Variants in HDGFL1 observed in about 807,000 individuals in gnomAD.
HDGFL1 encodes HDGF like 1.
For missense variants in HDGFL1, 422 were observed against 365.3 expected (o/e 1.16, Z -1.27); for synonymous variants, 190 against 165.1 (o/e 1.15, Z -1.16).
Position 22,570,162 on chromosome 6 carries a change from C to T in HDGFL1, c.587C>T (p.Pro196Leu), listed in dbSNP as rs991281310. 1 of 1,558,142 alleles carries T rather than the reference C, an allele frequency of 6.4e-7. No homozygotes were observed. The highest frequency in any genetic ancestry group is 1.2e-5 in the South Asian group (1 of 84,286). Residue 196 changes from proline to leucine, a missense_variant, in exon 1 of 1, where the codon CCG becomes CTG. Physicochemically the swap from Pro to Leu is moderately conservative, Grantham distance 98. Transcript: ENST00000510882. The part of the protein sequence containing the change: ...AAATAVDEES[P>L]FLVAVENGSA... Reference sequence around the variant, plus strand: ...GCGACGGCCGTCGACGAGGAGAGTCCGTTCCTCGTGGCGGTGGAGAACGGC... The same window carrying T: ...GCGACGGCCGTCGACGAGGAGAGTCTGTTCCTCGTGGCGGTGGAGAACGGC...
rs1478212396 is a variant in HDGFL1 at position 22,570,640 on chromosome 6, C to A, written c.*309C>A. On this transcript the variant is annotated 3_prime_UTR_variant, in exon 1 of 1. Transcript: ENST00000510882. ...CCCGCCACCCCACCCCACCCCACCC[C>A]CGCCCACTCGTTGCCTGATTCCGTT... The A allele has an allele frequency of 3.4e-5, 12 of 351,060 alleles. No homozygotes were observed. Among genetic ancestry groups the A allele is most frequent in the Non-Finnish European group, 6.3e-5 (12 of 189,700 alleles). 21.7% of individuals were successfully genotyped at this position (351,060 alleles called of 1,614,324 possible).
In HDGFL1 at chr6:22,570,460, G is replaced by T; in HGVS notation, c.*129G>T. ...CTCAGCCCGTCCTCCTCCAACCCGCGCTCCTTTGCCCTGCCGGGCCCCAGG... is the reference window on the plus strand; with the variant it reads ...CTCAGCCCGTCCTCCTCCAACCCGCTCTCCTTTGCCCTGCCGGGCCCCAGG... On this transcript the variant is annotated 3_prime_UTR_variant, in exon 1 of 1. Coordinates refer to ENST00000510882, the MANE Select transcript of HDGFL1 (RefSeq NM_138574.4). 2.9e-6 allele frequency: 3 copies of T among 1,025,662 alleles called. No homozygotes were observed. Among genetic ancestry groups the T allele is most frequent in the Non-Finnish European group, 4.0e-6 (3 of 753,770 alleles). 63.5% of individuals were successfully genotyped at this position (1,025,662 alleles called of 1,614,324 possible). A position where few individuals can be genotyped will look rare whatever the true frequency, so the allele number is the denominator to read the frequency against.
At position 22,570,361 on chromosome 6, in the gene HDGFL1, C is replaced by G. The variant is rs762507319; in HGVS notation, c.*30C>G. ...CAGCGTTTCCAGAAGAGCCCCTGCC[C>G]CGTTCCTGCTGCGGCCTGGCCGTTC... On this transcript the variant is annotated 3_prime_UTR_variant, in exon 1 of 1. Transcript: ENST00000510882. 6 of 1,430,044 alleles carry G rather than the reference C, an allele frequency of 4.2e-6. No homozygotes were observed. Among genetic ancestry groups the G allele is most frequent in the Non-Finnish European group, 5.5e-6 (6 of 1,091,950 alleles). 88.6% of individuals were successfully genotyped at this position (1,430,044 alleles called of 1,614,324 possible). A position where few individuals can be genotyped will look rare whatever the true frequency, so the allele number is the denominator to read the frequency against.
Position 22,570,012 on chromosome 6 carries a change from AGAG to A in HDGFL1, c.441_443del (p.Arg147del), listed in dbSNP as rs751404526. Reference sequence around the variant, plus strand: ...ACTGAGGAGGAGAAGGGGCCGCTGAAGAGGAGCGCGGGGGACCCGCCGGAGGAC... The same window carrying A: ...ACTGAGGAGGAGAAGGGGCCGCTGAAGAGCGCGGGGGACCCGCCGGAGGAC... On this transcript the variant is annotated inframe_deletion, in exon 1 of 1. Coordinates refer to ENST00000510882, the MANE Select transcript of HDGFL1 (RefSeq NM_138574.4). The A allele has an allele frequency of 2.6e-6, 4 of 1,548,254 alleles. No individual in the cohort carries two copies. The highest frequency in any genetic ancestry group is 2.7e-5 in the African/African-American group (2 of 73,130).
At position 22,570,347 on chromosome 6, in the gene HDGFL1, G is replaced by C. The variant is rs1466851793; in HGVS notation, c.*16G>C. 1.4e-6 allele frequency: 2 copies of C among 1,446,382 alleles called. No homozygotes were observed. The highest frequency in any genetic ancestry group is 1.8e-4 in the Middle Eastern group (1 of 5,440). The allele number at this position is 1,446,382 out of a possible 1,614,324, so 89.6% of individuals were successfully genotyped here. Reference sequence around the variant, plus strand: ...CAGCCTGTAGTTACCAGCGTTTCCAGAAGAGCCCCTGCCCCGTTCCTGCTG... The same window carrying C: ...CAGCCTGTAGTTACCAGCGTTTCCACAAGAGCCCCTGCCCCGTTCCTGCTG... On this transcript the variant is annotated 3_prime_UTR_variant, in exon 1 of 1. Transcript: ENST00000510882.
Position 22,570,394 on chromosome 6 carries a change from A to G in HDGFL1, c.*63A>G. The G allele has an allele frequency of 2.1e-6, 3 of 1,399,114 alleles. No homozygotes were observed. Among genetic ancestry groups the G allele is most frequent in the Non-Finnish European group, 2.8e-6 (3 of 1,070,060 alleles). 86.7% of individuals were successfully genotyped at this position (1,399,114 alleles called of 1,614,324 possible). On this transcript the variant is annotated 3_prime_UTR_variant, in exon 1 of 1. Transcript: ENST00000510882. Reference sequence around the variant, plus strand: ...GCTGCGGCCTGGCCGTTCTTGGGGAATCTGACCACGGCGTGCAAACTGGGA... The same window carrying G: ...GCTGCGGCCTGGCCGTTCTTGGGGAGTCTGACCACGGCGTGCAAACTGGGA...
Position 22,569,885 on chromosome 6 carries a change from G to C in HDGFL1, c.310G>C (p.Gly104Arg), listed in dbSNP as rs767503335. Reference sequence around the variant, plus strand: ...AGCCTCAGAGAAGGGCAGCGGAGACGGGCCTTGGCCGGAGCCCGAGGCCGC... The same window carrying C: ...AGCCTCAGAGAAGGGCAGCGGAGACCGGCCTTGGCCGGAGCCCGAGGCCGC... ...PLASEKGSGD[G>R]PWPEPEAAEG... is the part of the protein sequence containing the mutation. Residue 104 changes from glycine to arginine, a missense_variant, in exon 1 of 1, where the codon GGG (glycine) becomes CGG (arginine). By Grantham distance (125) the Gly-to-Arg change is moderately radical. Transcript: ENST00000510882. 3.2e-6 allele frequency: 5 copies of C among 1,575,574 alleles called. No homozygotes were observed. The South Asian group carries it at 5.8e-5, about 18-fold the overall frequency.
In HDGFL1 at chr6:22,569,806, G is replaced by A. The variant is rs1467805163; in HGVS notation, c.231G>A (p.Ala77=). 4 of 1,613,666 alleles carry A rather than the reference G, an allele frequency of 2.5e-6. No individual in the cohort carries two copies. The highest frequency in any genetic ancestry group is 3.4e-6 in the Non-Finnish European group (4 of 1,179,824). ...CCAACAAGAGGCGCGGCTTCAGCGC[G>A]GGGCTGTGGGAAATCGAGAACAACC... The part of the protein sequence containing the change: ...GKPNKRRGFS[A]GLWEIENNPT... Residue 77 remains alanine (A), a synonymous_variant, in exon 1 of 1, where the codon GCG becomes GCA. Transcript: ENST00000510882.
Position 22,571,383 on chromosome 6 carries a change from C to G in HDGFL1, c.*1052C>G, listed in dbSNP as rs1393303980. ...TGTTTGAAGTTTTATGACTTGTAGT[C>G]AGGCTTTGCTGTTCGTCACAGTGTC... is the stretch of plus-strand genomic sequence containing the variant. On this transcript the variant is annotated 3_prime_UTR_variant, in exon 1 of 1. Transcript: ENST00000510882. 6.0e-6 allele frequency: 1 copy of G among 167,142 alleles called. No individual in the cohort carries two copies. Among genetic ancestry groups the G allele is most frequent in the African/African-American group, 2.4e-5 (1 of 41,454 alleles). 10.4% of individuals were successfully genotyped at this position (167,142 alleles called of 1,614,324 possible).
chr6:22,569,948 G>A lies in HDGFL1; in HGVS notation c.373G>A (p.Gly125Ser), dbSNP rs1418842966. ...DEDKPTHAGG[G>S]GDELGKPDDD... ...GGACAAGCCGACCCACGCTGGTGGC[G>A]GCGGCGACGAATTGGGGAAGCCGGA... Residue 125 changes from glycine (G) to serine (S), a missense_variant, in exon 1 of 1, where the codon GGC becomes AGC. Coordinates refer to ENST00000510882, the MANE Select transcript of HDGFL1 (RefSeq NM_138574.4). 5 of 1,551,564 alleles carry A rather than the reference G, an allele frequency of 3.2e-6. No individual in the cohort carries two copies. The African/African-American group carries it at 4.1e-5, about 13-fold the overall frequency.
Position 22,571,201 on chromosome 6 carries a change from C to T in HDGFL1, c.*870C>T, listed in dbSNP as rs1468191965. Reference sequence around the variant, plus strand: ...CCACCCTACCGTCATATATATCACTCAGGCGTAGAAGAAAAGACACATATT... The same window carrying T: ...CCACCCTACCGTCATATATATCACTTAGGCGTAGAAGAAAAGACACATATT... On this transcript the variant is annotated 3_prime_UTR_variant, in exon 1 of 1. Transcript: ENST00000510882. 1 of 167,016 alleles carries T rather than the reference C, an allele frequency of 6.0e-6. No individual in the cohort carries two copies. Among genetic ancestry groups the T allele is most frequent in the African/African-American group, 2.4e-5 (1 of 41,388 alleles). The allele number at this position is 167,016 out of a possible 1,614,324, so 10.3% of individuals were successfully genotyped here.
rs1165143012 is a variant in HDGFL1, at chr6:22,569,592, T to G, written c.17T>G (p.Met6Arg). The change falls in exon 1 of 1, where the codon ATG becomes AGG. Residue 6 changes from methionine to arginine, a missense_variant. Physicochemically the swap from Met to Arg is moderately conservative, Grantham distance 91. Transcript: ENST00000510882. MSAYG[M>R]PMYKSGDLVF... is the part of the protein sequence containing the mutation. ...GAACCAGCTATGTCGGCCTACGGCA[T>G]GCCCATGTACAAGAGCGGGGACCTG... 1 of 1,613,834 alleles carries G rather than the reference T, an allele frequency of 6.2e-7. No homozygotes were observed. Among genetic ancestry groups the G allele is most frequent in the Non-Finnish European group, 8.5e-7 (1 of 1,179,810 alleles).
rs997659434 is a variant in HDGFL1 at position 22,569,898 on chromosome 6, A to C, written c.323A>C (p.Glu108Ala). 1 of 1,562,048 alleles carries C rather than the reference A, an allele frequency of 6.4e-7. No homozygotes were observed. Among genetic ancestry groups the C allele is most frequent in the South Asian group, 1.2e-5 (1 of 85,560 alleles). ...EKGSGDGPWP[E>A]PEAAEGDEDK... ...GGCAGCGGAGACGGGCCTTGGCCGG[A>C]GCCCGAGGCCGCAGAGGGCGACGAG... is the stretch of plus-strand genomic sequence containing the variant. The change falls in exon 1 of 1, where the codon GAG (glutamate) becomes GCG (alanine). Residue 108 changes from glutamate to alanine, a missense_variant. Glu to Ala is a moderately radical substitution (Grantham distance 107). Transcript: ENST00000510882.
Position 22,570,078 on chromosome 6 carries a change from A to C in HDGFL1, c.503A>C (p.Glu168Ala). Reference sequence around the variant, plus strand: ...CCCAAGGAGGCAGCCCCCGACCAAGAGGAGGAGGCGGAGGCGGAGAGGGCG... The same window carrying C: ...CCCAAGGAGGCAGCCCCCGACCAAGCGGAGGAGGCGGAGGCGGAGAGGGCG... Reference protein sequence around the residue: ...KRPKEAAPDQEEEAEAERAAE... With the variant: ...KRPKEAAPDQAEEAEAERAAE... The change falls in exon 1 of 1, where the codon GAG (glutamate) becomes GCG (alanine). Residue 168 changes from glutamate (E) to alanine (A), a missense_variant. Transcript: ENST00000510882. The C allele has an allele frequency of 6.5e-7, 1 of 1,542,606 alleles. No homozygotes were observed. The highest frequency in any genetic ancestry group is 2.3e-4 in the Middle Eastern group (1 of 4,378).
Position 22,570,301 on chromosome 6 carries a change from A to C in HDGFL1, c.726A>C (p.Ala242=), listed in dbSNP as rs1406285627. 3 of 1,498,848 alleles carry C rather than the reference A, an allele frequency of 2.0e-6. No individual in the cohort carries two copies. The South Asian group carries it at 4.0e-5, about 20-fold the overall frequency. The allele number at this position is 1,498,848 out of a possible 1,614,324, so 92.8% of individuals were successfully genotyped here. Residue 242 remains alanine (A), a synonymous_variant, in exon 1 of 1, where the codon GCA becomes GCC. Coordinates refer to ENST00000510882, the MANE Select transcript of HDGFL1 (RefSeq NM_138574.4). ...CCTCCCAGGAGTGGCATGCCGAGGCACCGGGCGGCGGAGATCGCGACAGCC... is the reference window on the plus strand; with the variant it reads ...CCTCCCAGGAGTGGCATGCCGAGGCCCCGGGCGGCGGAGATCGCGACAGCC... The part of the protein sequence containing the change: ...EEASQEWHAE[A]PGGGDRDSL
In HDGFL1 at chr6:22,570,124, G is replaced by GGAA. The variant is rs1458932907; in HGVS notation, c.550_551insAAG (p.Ala183_Ala184insGlu). 5 of 1,532,606 alleles carry GGAA rather than the reference G, an allele frequency of 3.3e-6. No individual in the cohort carries two copies. The African/African-American group carries it at 5.5e-5, about 17-fold the overall frequency. 94.9% of individuals were successfully genotyped at this position (1,532,606 alleles called of 1,614,324 possible). On this transcript the variant is annotated inframe_insertion, in exon 1 of 1. Coordinates refer to ENST00000510882, the MANE Select transcript of HDGFL1 (RefSeq NM_138574.4). ...GGGCGGCGGAAGCGGAGAGGGCGGC[G>GGAA]GCGGCGGCGGCGGCGACGGCCGTCG...
rs753319267 is a variant in HDGFL1, at chr6:22,570,169, C to T, written c.594C>T (p.Leu198=). The change falls in exon 1 of 1, where the codon CTC becomes CTT. Residue 198 remains leucine, a synonymous_variant. Transcript: ENST00000510882. ...ATAVDEESPF[L]VAVENGSAPS... is the part of the protein sequence containing the mutation. ...CCGTCGACGAGGAGAGTCCGTTCCT[C>T]GTGGCGGTGGAGAACGGCAGCGCCC... is the stretch of plus-strand genomic sequence containing the variant. 1.9e-6 allele frequency: 3 copies of T among 1,558,812 alleles called. No homozygotes were observed. Among genetic ancestry groups the T allele is most frequent in the South Asian group, 2.4e-5 (2 of 84,590 alleles).
rs1293813134 is a variant in HDGFL1, at chr6:22,570,069, C to T, written c.494C>T (p.Pro165Leu). The T allele has an allele frequency of 3.2e-6, 5 of 1,543,586 alleles. No individual in the cohort carries two copies. The highest frequency in any genetic ancestry group is 4.4e-6 in the Non-Finnish European group (5 of 1,144,844). Reference sequence around the variant, plus strand: ...CCCAAACGACCCAAGGAGGCAGCCCCCGACCAAGAGGAGGAGGCGGAGGCG... The same window carrying T: ...CCCAAACGACCCAAGGAGGCAGCCCTCGACCAAGAGGAGGAGGCGGAGGCG... ...DAPKRPKEAAPDQEEEAEAER... is the reference protein window; with the variant it reads ...DAPKRPKEAALDQEEEAEAER... Residue 165 changes from proline to leucine, a missense_variant, in exon 1 of 1, where the codon CCC becomes CTC. By Grantham distance (98) the Pro-to-Leu change is moderately conservative. Coordinates refer to ENST00000510882, the MANE Select transcript of HDGFL1 (RefSeq NM_138574.4).
At position 22,569,620 on chromosome 6, in the gene HDGFL1, G is replaced by A; in HGVS notation, c.45G>A (p.Val15=). 6.2e-7 allele frequency: 1 copy of A among 1,614,192 alleles called. No individual in the cohort carries two copies. Residue 15 remains valine (V), a synonymous_variant, in exon 1 of 1, where the codon GTG becomes GTA. Coordinates refer to ENST00000510882, the MANE Select transcript of HDGFL1 (RefSeq NM_138574.4). ...GMPMYKSGDL[V]FAKLKGYAHW... is the part of the protein sequence containing the mutation. ...CCATGTACAAGAGCGGGGACCTGGT[G>A]TTTGCCAAGTTAAAGGGCTATGCCC...
Sources: gnomAD v4.1 joint callset for allele counts on GRCh38, gnomAD v4.1.1 for gene constraint, MANE v1.5 for transcripts, NCBI Gene and HGNC (gene_info 2026-07-23, HGNC 2026-07-21) for gene names.